RBFOX1: variants seen among roughly 807,000 people sequenced by gnomAD.
The protein encoded by RBFOX1 is RNA binding protein fox-1 homolog 1.
RBFOX1 carries 8 observed loss-of-function variants against 57.7 expected under a neutral mutation model. That is an observed-to-expected ratio of 0.14 (90% CI 0.08 to 0.25). The LOEUF (loss-of-function observed/expected upper bound fraction) is 0.25. Among genes scored for constraint, RBFOX1 ranks in the 10% least tolerant of loss-of-function variants. The probability of loss-of-function intolerance (pLI) is 1.00; values close to 1 mark genes in which losing one functional copy is unlikely to be tolerated. For missense variants in RBFOX1, 611 were observed against 548.5 expected (o/e 1.11, Z -1.14); for synonymous variants, 326 against 222.4 (o/e 1.47, Z -4.15).
intron 2 of RBFOX1, among the ~76,000 whole-genome samples, chr16:6,595,244 C>T (rs2097765760): frequency 6.6e-6 from 1 of 152,194 alleles, no homozygotes; most frequent in African/African-American, 2.4e-5. Context: ...CCCTACACAG[C>T]CAGCATTCTG....
intron 3 of RBFOX1, among the ~76,000 whole-genome samples, chr16:6,973,562 A>G (rs986244938): frequency 6.6e-6 from 1 of 152,000 alleles, no homozygotes; most frequent in East Asian, 1.9e-4. Flanking sequence ...GAGTCTGTTT[A>G]TTTCTTTCTT....
At chr16:7,126,819 C>T (rs751859128) in intron 4 of RBFOX1, among the ~76,000 whole-genome samples, 2 of 151,778 alleles carry the variant, frequency 1.3e-5, no homozygotes, top group African/African-American at 4.8e-5. Context: ...TTAGCCTGGC[C>T]AATACGGTGA....
intron 1 of RBFOX1, among the ~76,000 whole-genome samples, chr16:6,211,820 T>TTTTTTTTATTTA (rs768227696): frequency 5.0e-5 from 7 of 140,812 alleles, no homozygotes; most frequent in African/African-American, 1.7e-4. Flanking sequence ...GGAATACATC[T>TTTTTTTTATTTA]TTTATTTATT....
chr16:5,715,077 C>G (rs572951603), intron 3 of RBFOX1, among the ~76,000 whole-genome samples: 1 of 152,188 alleles, frequency 6.6e-6, no homozygotes, highest in Non-Finnish European at 1.5e-5. Flanking sequence ...CTTTTGTTGA[C>G]GCAGCCGCCT....
At chr16:6,861,223 T>G (rs189302390) in intron 3 of RBFOX1, among the ~76,000 whole-genome samples, 2 of 152,172 alleles carry the variant, frequency 1.3e-5, no homozygotes, top group African/African-American at 4.8e-5. Flanking sequence ...TGTGTCTGTG[T>G]GTATTTGCAT....
chr16:6,645,157 C>G (rs1364171223), intron 2 of RBFOX1, among the ~76,000 whole-genome samples: 2 of 152,162 alleles, frequency 1.3e-5, no homozygotes, highest in African/African-American at 4.8e-5. Context: ...ACATGGCTTT[C>G]TCTTCTGTCT....
At chr16:6,433,565 T>G (rs1370745492) in intron 2 of RBFOX1, among the ~76,000 whole-genome samples, 1 of 152,188 alleles carries the variant, frequency 6.6e-6, no homozygotes, top group East Asian at 1.9e-4. Flanking sequence ...TACCACAAAT[T>G]CAGTGGCTTA....
chr16:5,923,940 A>C (rs1373110816), intron 4 of RBFOX1, among the ~76,000 whole-genome samples: 1 of 152,120 alleles, frequency 6.6e-6, no homozygotes, highest in African/African-American at 2.4e-5. Context: ...GTGTCTCCAC[A>C]CAAAATCTCA....
At chr16:6,627,142 C>A (rs967508404) in intron 2 of RBFOX1, among the ~76,000 whole-genome samples, 1 of 152,184 alleles carries the variant, frequency 6.6e-6, no homozygotes, top group Non-Finnish European at 1.5e-5. Context: ...AATTAGCATT[C>A]TGTCATCCAA....
chr16:6,226,017 T>C (rs1442416415), intron 1 of RBFOX1, among the ~76,000 whole-genome samples: 1 of 152,098 alleles, frequency 6.6e-6, no homozygotes, highest in East Asian at 1.9e-4. Context: ...AAAAGTGATA[T>C]ACATTCCTGC....
chr16:7,055,370 A>T (rs1339302853), intron 4 of RBFOX1, among the ~76,000 whole-genome samples: 1 of 152,180 alleles, frequency 6.6e-6, no homozygotes, highest in Non-Finnish European at 1.5e-5. Flanking sequence ...TTACAAAAAT[A>T]AATAACTCTC....
intron 2 of RBFOX1, among the ~76,000 whole-genome samples, chr16:5,570,656 A>G (rs1567242040): frequency 6.6e-6 from 1 of 152,236 alleles, no homozygotes; most frequent in Admixed American, 6.5e-5. Flanking sequence ...CCTTGCCAAC[A>G]TGATGAAACC....
chr16:7,218,660 G>A (rs1456715349), intron 4 of RBFOX1, among the ~76,000 whole-genome samples: 1 of 149,838 alleles, frequency 6.7e-6, no homozygotes, highest in Non-Finnish European at 1.5e-5. Flanking sequence ...GTGTGTGTGT[G>A]TGTGTGTGTG....
intron 2 of RBFOX1, among the ~76,000 whole-genome samples, chr16:6,352,896 A>G (rs548319464): frequency 5.3e-5 from 8 of 152,306 alleles, no homozygotes; most frequent in Admixed American, 2.6e-4. Context: ...GGGAAAGCCA[A>G]TCATGAACTA....
intron 2 of RBFOX1, among the ~76,000 whole-genome samples, chr16:6,516,183 C>T (rs1041083549): frequency 1.3e-5 from 2 of 152,156 alleles, no homozygotes; most frequent in Non-Finnish European, 2.9e-5. Context: ...CATGTGCCAC[C>T]ATGCCTGGCT....
At chr16:5,594,128 C>T (rs2047103994) in intron 2 of RBFOX1, among the ~76,000 whole-genome samples, 1 of 152,196 alleles carries the variant, frequency 6.6e-6, no homozygotes, top group African/African-American at 2.4e-5. Context: ...AACCCCACCT[C>T]TGACCCCACA....
intron 2 of RBFOX1, among the ~76,000 whole-genome samples, chr16:6,446,943 A>G (rs1748515488): frequency 6.6e-6 from 1 of 152,128 alleles, no homozygotes. Context: ...CTAGCATACT[A>G]ATAAGCTAAG....
chr16:7,663,821 A>C (rs1023748833), intron 12 of RBFOX1, among the ~76,000 whole-genome samples: 1 of 152,238 alleles, frequency 6.6e-6, no homozygotes, highest in Non-Finnish European at 1.5e-5. Flanking sequence ...TGTGAAGGCT[A>C]CATATGATTC....
intron 1 of RBFOX1, among the ~76,000 whole-genome samples, chr16:6,068,018 C>G (rs1010324265): frequency 2.0e-5 from 3 of 152,146 alleles, no homozygotes; most frequent in Admixed American, 6.5e-5. Flanking sequence ...TCAATATGAC[C>G]AAGATTTCCT....
Sources: allele counts gnomAD v4.1 joint callset (sites outside exome capture counted in the v4.1 genomes callset), GRCh38; gene constraint gnomAD v4.1.1; transcripts MANE v1.5; gene names NCBI Gene and HGNC (gene_info 2026-07-23, HGNC 2026-07-21).